Variants in PLEKHA7 observed in about 807,000 individuals in gnomAD.
PLEKHA7 encodes the protein pleckstrin homology domain containing A7.
Under a neutral mutation model 170.0 loss-of-function variants are expected in PLEKHA7, and 104 were observed. That is an observed-to-expected ratio of 0.61 (90% CI 0.52 to 0.72). PLEKHA7 has a LOEUF of 0.72. PLEKHA7 is among the 30% of genes least tolerant of loss of function. The pLI, the probability that PLEKHA7 is intolerant of heterozygous loss-of-function variation, is 0.00. For synonymous variants in PLEKHA7, 648 were observed against 660.8 expected, an observed-to-expected ratio of 0.98 and a Z score of 0.30; for missense variants, 1,615 against 1,671.7, an observed-to-expected ratio of 0.97 and a Z score of 0.59.
At chr11:16,907,534 A>G (rs1194995036) in intron 3 of PLEKHA7, among the ~76,000 whole-genome samples, 1,929 of 25,750 alleles carry the variant, frequency 0.075, no homozygotes, top group Non-Finnish European at 0.091. Flanking sequence ...CCCCCCGCCC[A>G]GCCAGCCGCC....
intron 3 of PLEKHA7, among the ~76,000 whole-genome samples, chr11:16,966,759 A>G (rs1168504784): frequency 6.6e-6 from 1 of 151,618 alleles, no homozygotes; most frequent in African/African-American, 2.4e-5. Flanking sequence ...CAGATATCAG[A>G]GCAGAAACTC....
intron 3 of PLEKHA7, among the ~76,000 whole-genome samples, chr11:16,944,940 T>C (rs1377066527): frequency 6.6e-6 from 1 of 152,194 alleles, no homozygotes; most frequent in Admixed American, 6.5e-5. Context: ...ATAAGAACTT[T>C]AAGGATCAGA....
intron 12 of PLEKHA7, among the ~76,000 whole-genome samples, chr11:16,815,893 G>T (rs1350212984): frequency 6.6e-6 from 1 of 152,196 alleles, no homozygotes; most frequent in East Asian, 1.9e-4. Flanking sequence ...CACTGCCTGT[G>T]GAAAAAGGTG....
At chr11:16,806,603 G>C (rs1413030883) in intron 13 of PLEKHA7, among the ~76,000 whole-genome samples, 1 of 152,216 alleles carries the variant, frequency 6.6e-6, no homozygotes, top group Non-Finnish European at 1.5e-5. Flanking sequence ...AATGCTGTGA[G>C]AGCTGGCCAC....
chr11:16,931,766 C>T (rs1326792671), intron 3 of PLEKHA7, among the ~76,000 whole-genome samples: 1 of 137,130 alleles, frequency 7.3e-6, no homozygotes, highest in Non-Finnish European at 1.6e-5. Flanking sequence ...CCCCCCCCCC[C>T]CAAAAAAAAA....
rs917364051 is a variant in PLEKHA7, at chr11:16,788,739, C to G, written c.3357+357G>C. On this transcript the variant is annotated intron_variant, in intron 23 of 26. Transcript: ENST00000531066. The stretch of plus-strand genomic sequence containing the variant: ...AGTTTGCTTGTGCTTCTAACCAAAT[C>G]ATGTCACCATCTTCCTCCTCTCCTC... The G allele has an allele frequency of 1.5e-5, 5 of 343,292 alleles. No individual in the cohort carries two copies. In the East Asian group the frequency reaches 2.7e-4, roughly 19 times the overall value. 21.3% of individuals were successfully genotyped at this position (343,292 alleles called of 1,614,324 possible).
At chr11:16,906,926 T>G (rs1857782237) in intron 3 of PLEKHA7, among the ~76,000 whole-genome samples, 1 of 145,372 alleles carries the variant, frequency 6.9e-6, no homozygotes, top group South Asian at 2.3e-4. Context: ...GGGGAGCGCC[T>G]CTGCCCTGCC....
intron 3 of PLEKHA7, among the ~76,000 whole-genome samples, chr11:16,882,476 A>G (rs907239856): frequency 1.3e-5 from 2 of 152,256 alleles, no homozygotes; most frequent in African/African-American, 4.8e-5. Context: ...CTATCATATT[A>G]AACACCAAGC....
chr11:16,810,369 T>G (rs1849284726), intron 13 of PLEKHA7, among the ~76,000 whole-genome samples: 1 of 152,210 alleles, frequency 6.6e-6, no homozygotes, highest in South Asian at 2.1e-4. Flanking sequence ...TGCCTCCTGA[T>G]CTGGGCCTGC....
At chr11:16,809,604 T>C (rs1849223093) in intron 13 of PLEKHA7, among the ~76,000 whole-genome samples, 1 of 152,226 alleles carries the variant, frequency 6.6e-6, no homozygotes, top group Non-Finnish European at 1.5e-5. Context: ...AGGGACATTT[T>C]GTCCAGCATG....
intron 3 of PLEKHA7, among the ~76,000 whole-genome samples, chr11:16,926,581 G>A (rs1203850526): frequency 6.6e-6 from 1 of 152,248 alleles, no homozygotes; most frequent in African/African-American, 2.4e-5. Flanking sequence ...TTATAAGAAT[G>A]CACCAGGGAG....
At chr11:17,010,216 T>C (rs934201032) in intron 3 of PLEKHA7, among the ~76,000 whole-genome samples, 2 of 151,874 alleles carry the variant, frequency 1.3e-5, no homozygotes, top group Non-Finnish European at 2.9e-5. Flanking sequence ...GGTGAAACCC[T>C]GTCTCTACTA....
At chr11:16,868,246 C>T (rs997516032) in intron 4 of PLEKHA7, among the ~76,000 whole-genome samples, 1 of 152,152 alleles carries the variant, frequency 6.6e-6, no homozygotes, top group Non-Finnish European at 1.5e-5. Context: ...AGAGCAGACC[C>T]TAGCCTATCC....
intron 3 of PLEKHA7, among the ~76,000 whole-genome samples, chr11:16,949,181 C>T (rs541763679): frequency 6.6e-6 from 1 of 151,970 alleles, no homozygotes; most frequent in East Asian, 1.9e-4. Flanking sequence ...TTCAGTGTAA[C>T]CCCCCCATCT....
At chr11:16,854,360 G>C (rs1853248294) in intron 6 of PLEKHA7, among the ~76,000 whole-genome samples, 1 of 152,216 alleles carries the variant, frequency 6.6e-6, no homozygotes. Flanking sequence ...TAACCTGAGT[G>C]CCTGGGAGAA....
chr11:16,960,148 T>C lies in PLEKHA7; in HGVS notation c.221+53841A>G, dbSNP rs111581863. On this transcript the variant is annotated intron_variant, in intron 3 of 26. Transcript: ENST00000531066. Reference sequence around the variant, plus strand: ...GCTTCACTCTCCACTTTAGGCCACGTTCCTTTCAGGGGCCCCCTTCACTCC... The same window carrying C: ...GCTTCACTCTCCACTTTAGGCCACGCTCCTTTCAGGGGCCCCCTTCACTCC... Among the ~76,000 whole-genome samples, 635 of 152,276 alleles carry C rather than the reference T, an allele frequency of 4.2e-3. 3 individuals are homozygous for C. Among genetic ancestry groups the C allele is most frequent in the African/African-American group, 0.014 (596 of 41,572 alleles).
At chr11:16,885,046 A>C (rs1372707069) in intron 3 of PLEKHA7, among the ~76,000 whole-genome samples, 2 of 152,232 alleles carry the variant, frequency 1.3e-5, no homozygotes, top group Admixed American at 1.3e-4. Flanking sequence ...TGTTTTAAGA[A>C]ATAAAGATTT....
Position 16,782,764 on chromosome 11 carries a change from C to A in PLEKHA7, c.3783G>T (p.Lys1261Asn). 1.3e-6 allele frequency: 2 copies of A among 1,536,088 alleles called. No homozygotes were observed. The highest frequency in any genetic ancestry group is 1.7e-6 in the Non-Finnish European group (2 of 1,146,876). Residue 1261 changes from lysine to asparagine, a missense_variant, in exon 26 of 27, where the codon AAG becomes AAT. Coordinates refer to ENST00000531066, the MANE Select transcript of PLEKHA7 (RefSeq NM_001329630.2). ...ALASEASQRS[K>N]QVAAQAVTDP ...GGGCCATGGCCTTACCTGCCACCTGCTTGCTACGCTGGGAGGCCTCGGAGG... is the reference window on the plus strand; with the variant it reads ...GGGCCATGGCCTTACCTGCCACCTGATTGCTACGCTGGGAGGCCTCGGAGG...
In PLEKHA7 at chr11:16,783,791, C is replaced by A. The variant is rs1849219806; in HGVS notation, c.3559G>T (p.Glu1187Ter). Residue 1187 changes from glutamate (E) to a stop codon, truncating the protein, a stop_gained, in exon 25 of 27, where the codon GAG (glutamate) becomes TAG (stop). Coordinates refer to ENST00000531066, the MANE Select transcript of PLEKHA7 (RefSeq NM_001329630.2). LOFTEE classifies it high-confidence loss of function. ...CTGGGTGGCTCTTCGGGATCTAGCT[C>A]CACGTAGCGCTCAGGGATTGACACC... ...EKVSIPERYV[E>*]LDPEEPPSLE... 3 of 1,512,264 alleles carry A rather than the reference C, an allele frequency of 2.0e-6. No individual in the cohort carries two copies. The highest frequency in any genetic ancestry group is 2.6e-6 in the Non-Finnish European group (3 of 1,135,552). 93.7% of individuals were successfully genotyped at this position (1,512,264 alleles called of 1,614,324 possible).
Sources: gnomAD v4.1 joint callset for allele counts (sites outside exome capture counted in the v4.1 genomes callset) on GRCh38, gnomAD v4.1.1 for gene constraint, MANE v1.5 for transcripts, NCBI Gene and HGNC (gene_info 2026-07-23, HGNC 2026-07-21) for gene names.